Variants in TPMT observed in about 807,000 individuals in gnomAD.
The protein encoded by TPMT is S-adenosyl-L-methionine:thiopurine S-methyltransferase.
TPMT carries 18 observed loss-of-function variants against 34.2 expected under a neutral mutation model. The observed-to-expected ratio is 0.53, with a 90% CI of 0.36 to 0.78. The LOEUF is 0.78. TPMT is among the 30% of genes least tolerant of loss of function. The probability of loss-of-function intolerance (pLI) is 0.00; values close to 1 mark genes in which losing one functional copy is unlikely to be tolerated. For missense variants in TPMT, 265 were observed against 288.1 expected (o/e 0.92, Z 0.58); for synonymous variants, 69 against 92.4 (o/e 0.75, Z 1.45).
At chr6:18,151,182 CTCT>C (rs1784347986) in intron 1 of TPMT, among the ~76,000 whole-genome samples, 2 of 126,406 alleles carry the variant, frequency 1.6e-5, no homozygotes, top group East Asian at 2.1e-4. Flanking sequence ...AACTTCTTCT[CTCT>C]TTTTTTTTTT....
chr6:18,132,116 T>G lies in TPMT; in HGVS notation c.625+17A>C, dbSNP rs1196360969. ...TGACTTTGTTTAAAAAGTTACAGCA[T>G]AAGTCCACAAACTTACCAAACAACC... On this transcript the variant is annotated intron_variant, in intron 8 of 8. Transcript: ENST00000309983. This position sits in a 1 kb window ranked among gnomAD's most constrained non-coding sequence, Gnocchi z 4.8. The G allele has an allele frequency of 3.7e-6, 6 of 1,613,782 alleles. No homozygotes were observed. The highest frequency in any genetic ancestry group is 2.7e-5 in the African/African-American group (2 of 74,942).
Position 18,143,643 on chromosome 6 carries a change from A to C in TPMT, c.319T>G (p.Tyr107Asp). The change falls in exon 4 of 9, where the codon TAC becomes GAC. Residue 107 changes from tyrosine to aspartate, a missense_variant. Tyr to Asp is a radical substitution (Grantham distance 160). Coordinates refer to ENST00000309983, the MANE Select transcript of TPMT (RefSeq NM_000367.5). This position sits in a 1 kb window ranked among gnomAD's most constrained non-coding sequence, Gnocchi z 6.1. ...ATTTCGGTGATTGGTTCTTCTGAGT[A>C]AGAAAGATTCTGCTCTGTAAAAAAT... ...QEFFTEQNLS[Y>D]SEEPITEIPG... 6.2e-7 allele frequency: 1 copy of C among 1,613,732 alleles called. No homozygotes were observed. Among genetic ancestry groups the C allele is most frequent in the Non-Finnish European group, 8.5e-7 (1 of 1,180,008 alleles).
rs1398675854 is a variant in TPMT, at chr6:18,136,724, C to T, written c.494+2239G>A. On this transcript the variant is annotated intron_variant, in intron 6 of 8. Coordinates refer to ENST00000309983, the MANE Select transcript of TPMT (RefSeq NM_000367.5). The surrounding 1 kb of genome is among the most constrained non-coding windows in gnomAD (Gnocchi z 4.7). ...ACCTGGGAGGCTGAGGCAGGAGATT[C>T]GCTTGAACCTGGCAGGCAGAGGTTG... 1.3e-5 allele frequency among the ~76,000 whole-genome samples: 2 copies of T among 152,182 alleles called. No homozygotes were observed. Among genetic ancestry groups the T allele is most frequent in the Non-Finnish European group, 2.9e-5 (2 of 68,040 alleles).
Position 18,136,339 on chromosome 6 carries a change from T to C in TPMT, c.495-2450A>G, listed in dbSNP as rs1184367553. 2.0e-5 allele frequency among the ~76,000 whole-genome samples: 3 copies of C among 152,104 alleles called. No homozygotes were observed. Among genetic ancestry groups the C allele is most frequent in the Non-Finnish European group, 4.4e-5 (3 of 68,018 alleles). ...CAAAGCAGACACTGGACATGTGATG[T>C]GGATGTTTGGGAGAAAGAACAGAGC... On this transcript the variant is annotated intron_variant, in intron 6 of 8. Transcript: ENST00000309983. The surrounding 1 kb of genome is among the most constrained non-coding windows in gnomAD (Gnocchi z 4.7).
chr6:18,151,573 GATTTATTTATTTATTTATTTATTT>G (rs70974705), intron 1 of TPMT, among the ~76,000 whole-genome samples: 31 of 143,286 alleles, frequency 2.2e-4, no homozygotes, highest in Admixed American at 5.6e-4. Context: ...TGGAAACCTA[GATTTATTTATTTATTTATTTATTT>G]ATTTATTTAT....
chr6:18,143,066 G>GA lies in TPMT; in HGVS notation c.366+529dup, dbSNP rs1784174601. On this transcript the variant is annotated intron_variant, in intron 4 of 8. Coordinates refer to ENST00000309983, the MANE Select transcript of TPMT (RefSeq NM_000367.5). This position sits in a 1 kb window ranked among gnomAD's most constrained non-coding sequence, Gnocchi z 6.1. ...TCTTCCCGAGGTGTCCAAGACCATGGACCCAGGCCCTGCCTGATTCCAGCT... is the reference window on the plus strand; with the variant it reads ...TCTTCCCGAGGTGTCCAAGACCATGGAACCCAGGCCCTGCCTGATTCCAGCT... 6.6e-6 allele frequency among the ~76,000 whole-genome samples: 1 copy of GA among 152,108 alleles called. No individual in the cohort carries two copies. The highest frequency in any genetic ancestry group is 2.1e-4 in the South Asian group (1 of 4,824).
At chr6:18,144,155 T>C (rs905508987) in intron 3 of TPMT, among the ~76,000 whole-genome samples, 2 of 152,164 alleles carry the variant, frequency 1.3e-5, no homozygotes, top group Non-Finnish European at 2.9e-5. Flanking sequence ...ATTAGCCACA[T>C]TGGTTCCTCG....
rs948438010 is a variant in TPMT, at chr6:18,129,465, G to A, written c.*1203C>T. 1.3e-5 allele frequency: 2 copies of A among 152,122 alleles called. No homozygotes were observed. The highest frequency in any genetic ancestry group is 2.4e-5 in the African/African-American group (1 of 41,402). 9.4% of individuals were successfully genotyped at this position (152,122 alleles called of 1,614,324 possible). A position where few individuals can be genotyped will look rare whatever the true frequency, so the allele number is the denominator to read the frequency against. On this transcript the variant is annotated 3_prime_UTR_variant, in exon 9 of 9. Coordinates refer to ENST00000309983, the MANE Select transcript of TPMT (RefSeq NM_000367.5). Reference sequence around the variant, plus strand: ...TGCGTGCATGCGTGCACACACACACGTAACTCGTTTTTTATAATACACAAC... The same window carrying A: ...TGCGTGCATGCGTGCACACACACACATAACTCGTTTTTTATAATACACAAC...
At chr6:18,142,395 G>A (rs1021265420) in intron 4 of TPMT, among the ~76,000 whole-genome samples, 7 of 151,992 alleles carry the variant, frequency 4.6e-5, no homozygotes, top group African/African-American at 1.7e-4. Context: ...TTCCAATTTA[G>A]GATCAGCCAG....
intron 3 of TPMT, among the ~76,000 whole-genome samples, chr6:18,144,165 G>A (rs563662144): frequency 2.3e-4 from 35 of 152,180 alleles, no homozygotes; most frequent in African/African-American, 7.9e-4. Flanking sequence ...TTGGTTCCTC[G>A]TGATTGAGGA....
Position 18,132,231 on chromosome 6 carries a change from T to G in TPMT, c.581-54A>C. On this transcript the variant is annotated intron_variant, in intron 7 of 8. Coordinates refer to ENST00000309983, the MANE Select transcript of TPMT (RefSeq NM_000367.5). The surrounding 1 kb of genome is among the most constrained non-coding windows in gnomAD (Gnocchi z 4.8). ...TTATTTCCAATGACGTAGGTGTACT[T>G]GTTCTACATACAACTTCATTATCCA... 1 of 1,538,546 alleles carries G rather than the reference T, an allele frequency of 6.5e-7. No homozygotes were observed. Among genetic ancestry groups the G allele is most frequent in the South Asian group, 1.1e-5 (1 of 88,964 alleles).
rs1444588960 is a variant in TPMT at position 18,131,845 on chromosome 6, T to C, written c.625+288A>G. Among the ~76,000 whole-genome samples the C allele has an allele frequency of 6.6e-6, 1 of 152,166 alleles. No homozygotes were observed. The highest frequency in any genetic ancestry group is 1.5e-5 in the Non-Finnish European group (1 of 68,028). On this transcript the variant is annotated intron_variant, in intron 8 of 8. Transcript: ENST00000309983. The surrounding 1 kb of genome is among the most constrained non-coding windows in gnomAD (Gnocchi z 4.3). ...CACGCTGGAGTGCAGTGGCACAATC[T>C]TGGCTCACTACACTCTCTGCCTCCC...
intron 7 of TPMT, 86 bp downstream of exon 7, chr6:18,133,718 G>T: frequency 9.6e-7 from 1 of 1,036,762 alleles, no homozygotes; most frequent in Non-Finnish European, 1.4e-6. Context: ...TAAATTAGGA[G>T]AAAATAATTC....
In TPMT at chr6:18,149,187, T is replaced by G; in HGVS notation, c.-44-16A>C. ...TCTTCCGTGCCTACGTGGAAAATAT[T>G]TGCAATGTTGTCATTTAAGGTCATT... On this transcript the variant is annotated splice_polypyrimidine_tract_variant and intron_variant, in intron 1 of 8. Transcript: ENST00000309983. This position sits in a 1 kb window ranked among gnomAD's most constrained non-coding sequence, Gnocchi z 5.0. 1.2e-6 allele frequency: 2 copies of G among 1,606,556 alleles called. No individual in the cohort carries two copies. The highest frequency in any genetic ancestry group is 1.7e-6 in the Non-Finnish European group (2 of 1,174,444).
chr6:18,142,413 C>G (rs1451847023), intron 4 of TPMT, among the ~76,000 whole-genome samples: 3 of 152,088 alleles, frequency 2.0e-5, no homozygotes, highest in Non-Finnish European at 2.9e-5. Flanking sequence ...CAGAGAAAGG[C>G]AAACATGCTC....
chr6:18,139,131 A>C lies in TPMT; in HGVS notation c.420-94T>G. The C allele has an allele frequency of 9.2e-7, 1 of 1,092,526 alleles. No homozygotes were observed. Among genetic ancestry groups the C allele is most frequent in the Non-Finnish European group, 1.4e-6 (1 of 705,314 alleles). 67.7% of individuals were successfully genotyped at this position (1,092,526 alleles called of 1,614,324 possible). A position where few individuals can be genotyped will look rare whatever the true frequency, so the allele number is the denominator to read the frequency against. ...CATGGTGCATGCTGGTACTTCAACA[A>C]TCGTCAAGGTATTAGGATCTCACGT... On this transcript the variant is annotated intron_variant, in intron 5 of 8. Coordinates refer to ENST00000309983, the MANE Select transcript of TPMT (RefSeq NM_000367.5). The surrounding 1 kb of genome is among the most constrained non-coding windows in gnomAD (Gnocchi z 4.2).
At chr6:18,133,650 C>T (rs1345597823) in intron 7 of TPMT, 154 bp downstream of exon 7, 2 of 637,870 alleles carry the variant, frequency 3.1e-6, no homozygotes, top group Non-Finnish European at 5.5e-6. Context: ...GCTTATAGTT[C>T]CCATTAGTCA....
Position 18,149,013 on chromosome 6 carries a change from C to T in TPMT, c.115G>A (p.Ala39Thr). 8.1e-6 allele frequency: 13 copies of T among 1,613,934 alleles called. No individual in the cohort carries two copies. The highest frequency in any genetic ancestry group is 1.1e-5 in the Non-Finnish European group (13 of 1,179,956). The change falls in exon 2 of 9, where the codon GCT (alanine) becomes ACT (threonine). Residue 39 changes from alanine to threonine, a missense_variant. Ala to Thr is a moderately conservative substitution (Grantham distance 58). Transcript: ENST00000309983. The surrounding 1 kb of genome is among the most constrained non-coding windows in gnomAD (Gnocchi z 5.0). ...TGATGTCCTTGTTCCTGATGAAAAG[C>T]AGTCTTGCCGTTCACCCACTTGTCT... ...WQDKWVNGKT[A>T]FHQEQGHQLL...
chr6:18,147,942 AGGACAATTGTAT>A (rs1231833822), intron 2 of TPMT, 27 bp from the exon 3 acceptor site: 1 of 1,574,460 alleles, frequency 6.4e-7, no homozygotes, highest in Non-Finnish European at 8.7e-7. Context: ...AAAAGGTTTT[AGGACAATTGTAT>A]GGTAGGTGAA....
Sources: allele counts gnomAD v4.1 joint callset (sites outside exome capture counted in the v4.1 genomes callset), GRCh38; gene constraint gnomAD v4.1.1; non-coding constraint Gnocchi (gnomAD v3.1); transcripts MANE v1.5; gene names NCBI Gene and HGNC (gene_info 2026-07-23, HGNC 2026-07-21).